Variants in PHLPP1 observed in about 807,000 individuals in gnomAD.
The protein encoded by PHLPP1 is PH domain leucine-rich repeat-containing protein phosphatase 1.
PHLPP1 carries 42 observed loss-of-function variants against 117.2 expected under a neutral mutation model. That is an observed-to-expected ratio of 0.36 (90% confidence interval 0.28 to 0.46). PHLPP1 has a LOEUF of 0.46. Among genes scored for constraint, PHLPP1 ranks in the 20% least tolerant of loss-of-function variants. PHLPP1 has a pLI of 1.00. For missense variants in PHLPP1, 2,084 were observed against 2,241.9 expected (o/e 0.93, Z 1.42); for synonymous variants, 1,042 against 970.7 (o/e 1.07, Z -1.37).
At chr18:62,844,792 A>G (rs1374376231) in intron 3 of PHLPP1, among the ~76,000 whole-genome samples, 45 of 152,216 alleles carry the variant, frequency 3.0e-4, no homozygotes, top group Admixed American at 2.9e-3. Context: ...TGTGGTACCC[A>G]AGAAAATATG....
Position 62,830,090 on chromosome 18 carries a change from T to C in PHLPP1, c.1632T>C (p.Asn544=), listed in dbSNP as rs1199936762. ...GGATTCAGCTCTCAGGAATGTATAA[T>C]GTCCGTAAAGGCAAGATGCAGTTGC... ...SERIQLSGMY[N]VRKGKMQLPV... The change falls in exon 2 of 17, where the codon AAT becomes AAC. Residue 544 remains asparagine, a synonymous_variant. Coordinates refer to ENST00000262719, the MANE Select transcript of PHLPP1 (RefSeq NM_194449.4). The C allele has an allele frequency of 3.1e-6, 5 of 1,613,688 alleles. No individual in the cohort carries two copies. Among genetic ancestry groups the C allele is most frequent in the Non-Finnish European group, 4.2e-6 (5 of 1,179,822 alleles).
At chr18:62,839,136 G>A in intron 3 of PHLPP1, 1 of 477,044 alleles carries the variant, frequency 2.1e-6, no homozygotes. Flanking sequence ...AAAATAAATT[G>A]GTCTGTAAAC....
chr18:62,928,574 G>A (rs1909715413), intron 10 of PHLPP1, among the ~76,000 whole-genome samples: 1 of 152,164 alleles, frequency 6.6e-6, no homozygotes. Context: ...AATGTAAAGT[G>A]ATGCAAGTAC....
intron 16 of PHLPP1, among the ~76,000 whole-genome samples, chr18:62,976,169 A>T (rs991347610): frequency 3.3e-5 from 5 of 152,190 alleles, no homozygotes; most frequent in Admixed American, 2.6e-4. Flanking sequence ...TTGCTTCCCC[A>T]CAAGACATTT....
At chr18:62,799,640 A>G (rs998983655) in intron 1 of PHLPP1, among the ~76,000 whole-genome samples, 9 of 152,106 alleles carry the variant, frequency 5.9e-5, no homozygotes, top group Non-Finnish European at 2.9e-5. Context: ...TCCCCCTTTC[A>G]GGCATCTCTC....
Position 62,812,617 on chromosome 18 carries a change from C to T in PHLPP1, c.1577-17418C>T, listed in dbSNP as rs779822552. ...GAGGCTGAAATTTGAGTTAAGCCCA[C>T]CCTGAGTGAGGCCTGCTGCCCAGCT... On this transcript the variant is annotated intron_variant, in intron 1 of 16. Transcript: ENST00000262719. Among the ~76,000 whole-genome samples, 205 of 152,294 alleles carry T rather than the reference C, an allele frequency of 1.3e-3. 1 individual carries two copies. The highest frequency in any genetic ancestry group is 3.1e-3 in the South Asian group (15 of 4,822).
chr18:62,842,289 T>TG (rs1055432151), intron 3 of PHLPP1, among the ~76,000 whole-genome samples: 1 of 152,164 alleles, frequency 6.6e-6, no homozygotes, highest in Non-Finnish European at 1.5e-5. Flanking sequence ...GGGGAAAGGA[T>TG]GGCAGACATT....
At chr18:62,745,739 A>G (rs1224962168) in intron 1 of PHLPP1, among the ~76,000 whole-genome samples, 1 of 152,272 alleles carries the variant, frequency 6.6e-6, no homozygotes, top group Non-Finnish European at 1.5e-5. Flanking sequence ...ATTCATGATT[A>G]AAATTAAAAT....
chr18:62,825,643 G>A (rs959757114), intron 1 of PHLPP1, among the ~76,000 whole-genome samples: 3 of 151,512 alleles, frequency 2.0e-5, no homozygotes, highest in African/African-American at 4.8e-5. Flanking sequence ...TTATGGAGAC[G>A]GGGTTTCACT....
chr18:62,914,928 T>C lies in PHLPP1; in HGVS notation c.2724T>C (p.Asn908=). The change falls in exon 9 of 17, where the codon AAT becomes AAC. Residue 908 remains asparagine, a synonymous_variant. Transcript: ENST00000262719. The part of the protein sequence containing the change: ...YMDVSRNRLE[N]VPEWVCESRK... ...TTGCATTTAGGAACCGCTTAGAAAA[T>C]GTGCCTGAGTGGGTATGTGAAAGCC... The C allele has an allele frequency of 6.2e-7, 1 of 1,613,530 alleles. No individual in the cohort carries two copies. Among genetic ancestry groups the C allele is most frequent in the Non-Finnish European group, 8.5e-7 (1 of 1,179,604 alleles).
At chr18:62,975,309 T>C (rs1030110517) in intron 15 of PHLPP1, 88 bp from the exon 16 acceptor site, 16 of 833,402 alleles carry the variant, frequency 1.9e-5, no homozygotes, top group Non-Finnish European at 3.1e-5. Flanking sequence ...TTCCTGGCCC[T>C]GTCCAGTGGT....
chr18:62,738,859 GACT>G (rs1194513711), intron 1 of PHLPP1, among the ~76,000 whole-genome samples: 1 of 152,226 alleles, frequency 6.6e-6, no homozygotes, highest in Non-Finnish European at 1.5e-5. Context: ...GATAAGTGCA[GACT>G]ACTGTATGTC....
intron 10 of PHLPP1, among the ~76,000 whole-genome samples, chr18:62,922,454 G>A (rs671646): frequency 1.3e-5 from 2 of 152,002 alleles, no homozygotes; most frequent in Admixed American, 6.6e-5. Flanking sequence ...TTGTTTTTAC[G>A]TTAATATCAA....
intron 6 of PHLPP1, 31 bp downstream of exon 6, chr18:62,896,042 G>A: frequency 7.2e-7 from 1 of 1,389,958 alleles, no homozygotes; most frequent in Non-Finnish European, 1.0e-6. Flanking sequence ...GATCTCATTT[G>A]AGTGGCTGGC....
intron 4 of PHLPP1, among the ~76,000 whole-genome samples, chr18:62,881,167 CAAG>C (rs1916166478): frequency 6.6e-6 from 1 of 152,026 alleles, no homozygotes; most frequent in Non-Finnish European, 1.5e-5. Context: ...TTGCTTGAGC[CAAG>C]AAGGTCAAGG....
rs375705528 is a variant in PHLPP1, at chr18:62,760,604, C to A, written c.1576+43345C>A. On this transcript the variant is annotated intron_variant, in intron 1 of 16. Coordinates refer to ENST00000262719, the MANE Select transcript of PHLPP1 (RefSeq NM_194449.4). ...GTGTGGAATGGATATAATCCCACCCCCTGGAGTGGTTGTGGTCTTGGTGCA... is the reference window on the plus strand; with the variant it reads ...GTGTGGAATGGATATAATCCCACCCACTGGAGTGGTTGTGGTCTTGGTGCA... Among the ~76,000 whole-genome samples the A allele has an allele frequency of 5.9e-5, 9 of 152,164 alleles. No individual in the cohort carries two copies. The East Asian group carries it at 1.3e-3, about 23-fold the overall frequency.
intron 15 of PHLPP1, 84 bp from the exon 16 acceptor site, chr18:62,975,313 C>T: frequency 1.2e-6 from 1 of 865,926 alleles, no homozygotes; most frequent in Non-Finnish European, 1.9e-6. Flanking sequence ...TGGCCCTGTC[C>T]AGTGGTGCGG....
At chr18:62,835,443 C>G (rs566021556) in intron 2 of PHLPP1, among the ~76,000 whole-genome samples, 1 of 152,146 alleles carries the variant, frequency 6.6e-6, no homozygotes, top group African/African-American at 2.4e-5. Context: ...GGTGACCCCC[C>G]TGCCTCGGCC....
intron 1 of PHLPP1, among the ~76,000 whole-genome samples, chr18:62,724,734 T>A (rs1249784694): frequency 6.6e-6 from 1 of 152,246 alleles, no homozygotes; most frequent in Non-Finnish European, 1.5e-5. Context: ...TTTTCCTAGT[T>A]CTTTTCATTC....
Sources: gnomAD v4.1 joint callset for allele counts (sites outside exome capture counted in the v4.1 genomes callset) on GRCh38, gnomAD v4.1.1 for gene constraint, MANE v1.5 for transcripts, NCBI Gene and HGNC (gene_info 2026-07-23, HGNC 2026-07-21) for gene names.